CDC5L: variants seen among roughly 807,000 people sequenced by gnomAD.
The protein encoded by CDC5L is cell division cycle 5-like protein.
A neutral mutation model predicts 104.1 loss-of-function variants in CDC5L; 18 were observed. The ratio of observed to expected loss-of-function variants is 0.17; its 90% CI spans 0.12 to 0.26. The LOEUF (loss-of-function observed/expected upper bound fraction) is 0.26, where lower values mean the gene tolerates loss of function less well. Among genes scored for constraint, CDC5L ranks in the 10% least tolerant of loss-of-function variants. CDC5L has a pLI of 1.00. For missense variants in CDC5L, 673 were observed against 956.9 expected (o/e 0.70, Z 3.91); for synonymous variants, 331 against 322.7 (o/e 1.03, Z -0.28).
intron 4 of CDC5L, among the ~76,000 whole-genome samples, chr6:44,395,154 A>G (rs566801564): frequency 3.2e-4 from 49 of 152,296 alleles, no homozygotes; most frequent in Non-Finnish European, 5.7e-4. Flanking sequence ...GAGGTTGGTT[A>G]ATGGGTACAA....
chr6:44,426,639 T>C lies in CDC5L; in HGVS notation c.1808T>C (p.Val603Ala), dbSNP rs748166637. 2 of 1,613,126 alleles carry C rather than the reference T, an allele frequency of 1.2e-6. No homozygotes were observed. Among genetic ancestry groups the C allele is most frequent in the East Asian group, 2.2e-5 (1 of 44,798 alleles). Residue 603 changes from valine to alanine, a missense_variant, in exon 13 of 16, where the codon GTA (valine) becomes GCA (alanine). By Grantham distance (64) the Val-to-Ala change is moderately conservative. Coordinates refer to ENST00000371477, the MANE Select transcript of CDC5L (RefSeq NM_001253.4). ...TCTGGAAATAAAAAAGGCAAAACTG[T>C]AGGGTTTGGTACCAATAATTCAGAG... Reference protein sequence around the residue: ...EPSGNKKGKTVGFGTNNSEHI... With the variant: ...EPSGNKKGKTAGFGTNNSEHI...
At chr6:44,394,201 G>C (rs1790747648) in intron 4 of CDC5L, among the ~76,000 whole-genome samples, 1 of 152,024 alleles carries the variant, frequency 6.6e-6, no homozygotes, top group Admixed American at 6.6e-5. Context: ...GCCAGTCTGG[G>C]CAACATAACC....
chr6:44,427,927 C>T (rs914525892), intron 13 of CDC5L, among the ~76,000 whole-genome samples: 1 of 152,148 alleles, frequency 6.6e-6, no homozygotes, highest in African/African-American at 2.4e-5. Flanking sequence ...TAAACCCTAA[C>T]ACAATTTTTG....
intron 14 of CDC5L, among the ~76,000 whole-genome samples, chr6:44,430,282 A>T (rs890574568): frequency 1.3e-5 from 2 of 151,864 alleles, no homozygotes; most frequent in East Asian, 3.9e-4. Flanking sequence ...TCTCAGCAGT[A>T]ACGAGGAGTT....
chr6:44,391,450 G>A (rs1194885073), intron 2 of CDC5L, among the ~76,000 whole-genome samples: 4 of 151,750 alleles, frequency 2.6e-5, no homozygotes, highest in Admixed American at 6.6e-5. Flanking sequence ...GAGTTTCGCC[G>A]TGTTAGCCAG....
chr6:44,428,570 C>G (rs897499855), intron 13 of CDC5L, among the ~76,000 whole-genome samples: 1 of 152,144 alleles, frequency 6.6e-6, no homozygotes, highest in African/African-American at 2.4e-5. Flanking sequence ...AGGTCAGCAT[C>G]ATCATTGCTT....
At chr6:44,391,790 GA>G (rs1287221086) in intron 2 of CDC5L, among the ~76,000 whole-genome samples, 1 of 152,058 alleles carries the variant, frequency 6.6e-6, no homozygotes, top group Admixed American at 6.6e-5. Flanking sequence ...GGGATCACCT[GA>G]GGTCAGGAGT....
In CDC5L at chr6:44,418,944, A is replaced by T. The variant is rs1432474814; in HGVS notation, c.1093-505A>T. The stretch of plus-strand genomic sequence containing the variant: ...TTGCGAAAATTTTCTCCCATTTTGT[A>T]GGTTGCCTGTTCACTCTGATGGTAG... On this transcript the variant is annotated intron_variant, in intron 8 of 15. Coordinates refer to ENST00000371477, the MANE Select transcript of CDC5L (RefSeq NM_001253.4). 4.9e-5 allele frequency among the ~76,000 whole-genome samples: 7 copies of T among 143,830 alleles called. No individual in the cohort carries two copies. The South Asian group carries it at 6.6e-4, about 14-fold the overall frequency. The allele number at this position is 143,830 out of a possible 152,430, so 94.4% of individuals were successfully genotyped here. A position where few individuals can be genotyped will look rare whatever the true frequency, so the allele number is the denominator to read the frequency against.
Position 44,446,773 on chromosome 6 carries a change from G to A in CDC5L, c.*62G>A. The A allele has an allele frequency of 2.6e-6, 2 of 781,400 alleles. No individual in the cohort carries two copies. The highest frequency in any genetic ancestry group is 2.6e-5 in the East Asian group (1 of 37,958). The allele number at this position is 781,400 out of a possible 1,614,324, so 48.4% of individuals were successfully genotyped here. On this transcript the variant is annotated 3_prime_UTR_variant, in exon 16 of 16. Transcript: ENST00000371477. ...GCCGGTTTTCATACTCTAGAAGGCT[G>A]AAACTGATGTTTATCTTCATTGACA...
intron 14 of CDC5L, among the ~76,000 whole-genome samples, chr6:44,436,025 A>G (rs1792920711): frequency 6.6e-6 from 1 of 152,052 alleles, no homozygotes. Flanking sequence ...TGATCCACCC[A>G]CCTTGGCCTC....
chr6:44,427,536 C>T (rs1303351280), intron 13 of CDC5L, among the ~76,000 whole-genome samples: 2 of 152,182 alleles, frequency 1.3e-5, no homozygotes, highest in South Asian at 2.1e-4. Context: ...CTTCGCTTTT[C>T]ACAATTTCTT....
intron 8 of CDC5L, among the ~76,000 whole-genome samples, chr6:44,417,558 CATG>C (rs763004768): frequency 7.2e-5 from 11 of 152,050 alleles, no homozygotes; most frequent in Non-Finnish European, 1.5e-4. Context: ...GAACATGAAA[CATG>C]AGAGAGAAGG....
chr6:44,442,405 G>GTGTGTC (rs1793242571), intron 14 of CDC5L, among the ~76,000 whole-genome samples: 1 of 150,398 alleles, frequency 6.6e-6, no homozygotes, highest in Non-Finnish European at 1.5e-5. Context: ...GTGTGTGTGT[G>GTGTGTC]TGTGTCTTAA....
chr6:44,416,497 C>T (rs1409406081), intron 8 of CDC5L, among the ~76,000 whole-genome samples: 9 of 152,168 alleles, frequency 5.9e-5, no homozygotes, highest in Non-Finnish European at 1.2e-4. Context: ...TACCTCTGAC[C>T]AATGATGGCC....
At chr6:44,401,986 AT>A (rs1366153388) in intron 5 of CDC5L, among the ~76,000 whole-genome samples, 1 of 131,228 alleles carries the variant, frequency 7.6e-6, no homozygotes, top group Non-Finnish European at 1.6e-5. Context: ...ACATGAACTC[AT>A]CATTTTTTAT....
At chr6:44,414,442 A>T (rs1276185598) in intron 8 of CDC5L, among the ~76,000 whole-genome samples, 2 of 146,892 alleles carry the variant, frequency 1.4e-5, no homozygotes, top group Non-Finnish European at 3.0e-5. Context: ...ATTTTTTTTT[A>T]GAAATAGCTA....
At position 44,424,594 on chromosome 6, in the gene CDC5L, G is replaced by A; in HGVS notation, c.1569+11G>A. 5.0e-6 allele frequency: 8 copies of A among 1,613,162 alleles called. No individual in the cohort carries two copies. Among genetic ancestry groups the A allele is most frequent in the Non-Finnish European group, 6.8e-6 (8 of 1,179,452 alleles). The stretch of plus-strand genomic sequence containing the variant: ...GATGCTCGAAAGCAGGTGGGTAACT[G>A]TACTGAAAGAAGCGTGAGTTTGGCT... On this transcript the variant is annotated intron_variant, in intron 11 of 15. Transcript: ENST00000371477.
At chr6:44,405,504 A>G (rs1581647039) in intron 6 of CDC5L, among the ~76,000 whole-genome samples, 1 of 152,320 alleles carries the variant, frequency 6.6e-6, no homozygotes, top group East Asian at 1.9e-4. Context: ...CTTCCTAACC[A>G]TGTTTAGATG....
chr6:44,391,539 C>T (rs950924910), intron 2 of CDC5L, among the ~76,000 whole-genome samples: 3 of 152,014 alleles, frequency 2.0e-5, no homozygotes, highest in Non-Finnish European at 2.9e-5. Context: ...TGAGCCACCG[C>T]GCCCGGCTGG....
Sources: allele counts gnomAD v4.1 joint callset (sites outside exome capture counted in the v4.1 genomes callset), GRCh38; gene constraint gnomAD v4.1.1; transcripts MANE v1.5; gene names NCBI Gene and HGNC (gene_info 2026-07-23, HGNC 2026-07-21).